Variants in SAMD5 observed in about 807,000 individuals in gnomAD.
SAMD5 encodes the protein sterile alpha motif domain containing 5.
In SAMD5, 13 loss-of-function variants were observed where a neutral mutation model predicts 11.3. That is an observed-to-expected ratio of 1.15 (90% confidence interval 0.75 to 1.83). SAMD5 has a LOEUF of 1.83. Among genes scored for constraint, SAMD5 ranks in the 40% most tolerant of loss-of-function variants. The pLI is 0.00. For synonymous variants in SAMD5, 129 were observed against 111.3 expected, an observed-to-expected ratio of 1.16 and a Z score of -1.00; for missense variants, 255 against 239.1, an observed-to-expected ratio of 1.07 and a Z score of -0.44.
chr6:147,595,064 T>C (rs1045531497), intron 1 of SAMD5, among the ~76,000 whole-genome samples: 2 of 152,208 alleles, frequency 1.3e-5, no homozygotes, highest in African/African-American at 4.8e-5. Flanking sequence ...TTTTATGTGT[T>C]AGAATAAGTT....
At chr6:147,571,219 C>T (rs139443550), downstream of SAMD5, among the ~76,000 whole-genome samples, 36 of 152,128 alleles carry the variant, frequency 2.4e-4, 1 homozygote, top group East Asian at 6.6e-3. Flanking sequence ...GGTGGACAGC[C>T]CTAAAATGTA....
At position 147,586,706 on chromosome 6, in the gene SAMD5, A is replaced by G. The variant is rs1013473152; in HGVS notation, c.162+77319A>G. ...ATAACAAAAAGATATAAATAATATAAAGATAAATAAATGACACATGGGATA... is the reference window on the plus strand; with the variant it reads ...ATAACAAAAAGATATAAATAATATAGAGATAAATAAATGACACATGGGATA... On this transcript the variant is annotated intron_variant, in intron 1 of 1. Coordinates refer to the SAMD5 transcript ENST00000566741. Among the ~76,000 whole-genome samples the G allele has an allele frequency of 2.6e-5, 4 of 151,782 alleles. No individual in the cohort carries two copies. The East Asian group carries it at 5.8e-4, about 22-fold the overall frequency.
chr6:147,873,753 T>C, the SAMD5 span, among the ~76,000 whole-genome samples: 1 of 152,220 alleles, frequency 6.6e-6, no homozygotes, highest in African/African-American at 2.4e-5. Flanking sequence ...CCTTTCCTTG[T>C]AATTAAAATA....
chr6:147,897,943 TA>T, the SAMD5 span, among the ~76,000 whole-genome samples: 1,905 of 89,266 alleles, frequency 0.021, 26 homozygotes, highest in African/African-American at 0.046. Context: ...AGATTTTTCT[TA>T]AAAAAAAAAA....
chr6:147,817,892 A>C, the SAMD5 span, among the ~76,000 whole-genome samples: 3 of 152,210 alleles, frequency 2.0e-5, no homozygotes, highest in Admixed American at 2.0e-4. Flanking sequence ...GGCCAGTTGG[A>C]GTTCTAATAA....
the SAMD5 span, among the ~76,000 whole-genome samples, chr6:147,853,135 T>G: frequency 6.6e-6 from 1 of 152,298 alleles, no homozygotes; most frequent in East Asian, 1.9e-4. Flanking sequence ...TTTGAAGCAG[T>G]GCTCTCTGAC....
the SAMD5 span, among the ~76,000 whole-genome samples, chr6:147,812,381 G>T: frequency 1.3e-5 from 2 of 152,198 alleles, no homozygotes; most frequent in African/African-American, 4.8e-5. Context: ...GGGTGAATGG[G>T]TGTGTCTCTC....
At chr6:147,788,611 C>A in the SAMD5 span, among the ~76,000 whole-genome samples, 1 of 152,104 alleles carries the variant, frequency 6.6e-6, no homozygotes, top group East Asian at 1.9e-4. Flanking sequence ...GTCAATGTAG[C>A]CACTTCCAAT....
chr6:147,709,369 A>G (rs1791367046), intron 1 of SAMD5, among the ~76,000 whole-genome samples: 1 of 152,210 alleles, frequency 6.6e-6, no homozygotes, highest in African/African-American at 2.4e-5. Flanking sequence ...CCGAAGTCAT[A>G]GCAGCAGTTA....
At chr6:147,598,631 G>A (rs1052366221) in intron 1 of SAMD5, among the ~76,000 whole-genome samples, 8 of 152,166 alleles carry the variant, frequency 5.3e-5, no homozygotes, top group Admixed American at 3.3e-4. Context: ...TGGGAAGACC[G>A]AATAGAATCC....
At chr6:147,766,222 A>G in the SAMD5 span, among the ~76,000 whole-genome samples, 2 of 152,130 alleles carry the variant, frequency 1.3e-5, no homozygotes, top group Non-Finnish European at 2.9e-5. Context: ...TAAGAAGTTC[A>G]TTGTCTCCAG....
the SAMD5 span, among the ~76,000 whole-genome samples, chr6:147,800,918 A>G: frequency 6.6e-6 from 1 of 152,188 alleles, no homozygotes; most frequent in Non-Finnish European, 1.5e-5. Context: ...AAGTAAATAA[A>G]AATTTATTTT....
chr6:147,574,305 A>T (rs1315943375), downstream of SAMD5, among the ~76,000 whole-genome samples: 1 of 152,186 alleles, frequency 6.6e-6, no homozygotes. Flanking sequence ...GAGGAATCTG[A>T]GGAAAAGATG....
intron 1 of SAMD5, among the ~76,000 whole-genome samples, chr6:147,609,562 T>C (rs2128448965): frequency 6.6e-6 from 1 of 152,314 alleles, no homozygotes; most frequent in South Asian, 2.1e-4. Flanking sequence ...TTTTTAAATT[T>C]TCTTTGAGAC....
chr6:147,735,654 T>A (rs1013775155), intron 1 of SAMD5, among the ~76,000 whole-genome samples: 5 of 137,212 alleles, frequency 3.6e-5, no homozygotes, highest in African/African-American at 1.7e-4. Context: ...TCTATTTTAC[T>A]ATTTTTTTTT....
In SAMD5 at chr6:147,546,220, G is replaced by A. The variant is rs552568626; in HGVS notation, c.460-18174G>A. Among the ~76,000 whole-genome samples the A allele has an allele frequency of 9.5e-4, 144 of 152,214 alleles. 1 individual carries two copies. The highest frequency in any genetic ancestry group is 3.4e-3 in the African/African-American group (140 of 41,538). On this transcript the variant is annotated intron_variant, in intron 1 of 1. Coordinates refer to ENST00000367474, the MANE Select transcript of SAMD5 (RefSeq NM_001030060.3). ...TCTTCAGGGACAAGTGAAGACTGGC[G>A]CAGGATGATTTTTAAGACTGAGGCC...
At chr6:147,620,954 A>C (rs1298793323) in intron 1 of SAMD5, among the ~76,000 whole-genome samples, 1 of 139,070 alleles carries the variant, frequency 7.2e-6, no homozygotes, top group South Asian at 2.4e-4. Flanking sequence ...ATGACTGTGT[A>C]TGTGCCTCTG....
the SAMD5 span, among the ~76,000 whole-genome samples, chr6:147,918,862 A>C: frequency 6.6e-6 from 1 of 151,536 alleles, no homozygotes; most frequent in Admixed American, 6.6e-5. Flanking sequence ...GTGCCACCAC[A>C]CTCAGCTAAT....
At chr6:147,632,436 G>A (rs1346168921) in intron 1 of SAMD5, among the ~76,000 whole-genome samples, 1 of 152,178 alleles carries the variant, frequency 6.6e-6, no homozygotes, top group Non-Finnish European at 1.5e-5. Context: ...TTGCTGAGAG[G>A]TAGTGGAGAG....
Sources: gnomAD v4.1 joint callset for allele counts (sites outside exome capture counted in the v4.1 genomes callset) on GRCh38, gnomAD v4.1.1 for gene constraint, MANE v1.5 for transcripts, NCBI Gene and HGNC (gene_info 2026-07-23, HGNC 2026-07-21) for gene names.